Variants in TSPAN3 observed in about 807,000 individuals in gnomAD.
TSPAN3 encodes the protein tetraspanin-3.
Under a neutral mutation model 31.1 loss-of-function variants are expected in TSPAN3, and 9 were observed. That is an observed-to-expected ratio of 0.29 (90% CI 0.17 to 0.50). TSPAN3 has a LOEUF of 0.50. Ranked by LOEUF, TSPAN3 falls within the 20% of genes least tolerant of loss-of-function variation. TSPAN3 has a pLI of 0.98. For synonymous variants in TSPAN3, 129 were observed against 114.3 expected (o/e 1.13, Z -0.82); for missense variants, 252 against 313.5 (o/e 0.80, Z 1.48).
At chr15:77,053,894 C>A (rs2076750546) in intron 4 of TSPAN3, among the ~76,000 whole-genome samples, 1 of 152,092 alleles carries the variant, frequency 6.6e-6, no homozygotes, top group African/African-American at 2.4e-5. Context: ...TGACACATAC[C>A]TCTCTCTTGC....
intron 6 of TSPAN3, among the ~76,000 whole-genome samples, chr15:77,049,284 T>C (rs963839785): frequency 1.3e-5 from 2 of 152,176 alleles, no homozygotes; most frequent in African/African-American, 4.8e-5. Context: ...CGGCTTCACA[T>C]GCGGCACAGA....
At chr15:77,048,809 A>G (rs1350549766) in intron 6 of TSPAN3, among the ~76,000 whole-genome samples, 1 of 152,214 alleles carries the variant, frequency 6.6e-6, no homozygotes, top group African/African-American at 2.4e-5. Flanking sequence ...ATTGAAAAAA[A>G]TGACTAGTGG....
At chr15:77,050,571 T>C (rs1462837682) in intron 6 of TSPAN3, among the ~76,000 whole-genome samples, 2 of 152,232 alleles carry the variant, frequency 1.3e-5, no homozygotes, top group African/African-American at 2.4e-5. Flanking sequence ...GTCTTCTATA[T>C]ACATGTTGCA....
intron 1 of TSPAN3, chr15:77,063,835 C>G (rs1438884307): frequency 6.6e-6 from 1 of 152,184 alleles, no homozygotes; most frequent in Non-Finnish European, 1.5e-5. Flanking sequence ...CTGGCTGTTT[C>G]CAGACAGTAG....
chr15:77,055,632 G>GT, intron 3 of TSPAN3, 157 bp downstream of exon 3: 1 of 608,492 alleles, frequency 1.6e-6, no homozygotes, highest in South Asian at 2.3e-5. Flanking sequence ...GTCTTGACAT[G>GT]TAAATATTTG....
At chr15:77,060,449 G>A (rs2152697070) in intron 1 of TSPAN3, among the ~76,000 whole-genome samples, 1 of 152,292 alleles carries the variant, frequency 6.6e-6, no homozygotes, top group Non-Finnish European at 1.5e-5. Context: ...TTGTTGTAAT[G>A]ATATCCAACC....
intron 1 of TSPAN3, among the ~76,000 whole-genome samples, chr15:77,056,510 G>A (rs375769920): frequency 3.3e-5 from 5 of 152,022 alleles, no homozygotes; most frequent in East Asian, 3.9e-4. Context: ...TAATAACAAT[G>A]ATGATGACAC....
rs555890344 is a variant in TSPAN3, at chr15:77,048,196, C to T, written c.670-1269G>A. On this transcript the variant is annotated intron_variant, in intron 6 of 6. Coordinates refer to ENST00000267970, the MANE Select transcript of TSPAN3 (RefSeq NM_005724.6). Reference sequence around the variant, plus strand: ...TAAACAATTTAAGTCAATTCTAGACCGATGAAGTACCTAATTCCTAGAGAA... The same window carrying T: ...TAAACAATTTAAGTCAATTCTAGACTGATGAAGTACCTAATTCCTAGAGAA... Among the ~76,000 whole-genome samples, 13 of 152,212 alleles carry T rather than the reference C, an allele frequency of 8.5e-5. No individual in the cohort carries two copies. The South Asian group carries it at 1.7e-3, about 19-fold the overall frequency.
chr15:77,049,142 G>A (rs2076712355), intron 6 of TSPAN3, among the ~76,000 whole-genome samples: 1 of 152,130 alleles, frequency 6.6e-6, no homozygotes, highest in African/African-American at 2.4e-5. Flanking sequence ...GGTACAAAAG[G>A]TTGCAAACTA....
rs35737479 is a variant in TSPAN3 at position 77,066,571 on chromosome 15, C to CAAAAAAAAA, written c.63+4312_63+4320dup. Among the ~76,000 whole-genome samples, 63 of 59,378 alleles carry CAAAAAAAAA rather than the reference C, an allele frequency of 1.1e-3. 2 individuals carry two copies. Among genetic ancestry groups the CAAAAAAAAA allele is most frequent in the African/African-American group, 3.7e-3 (50 of 13,372 alleles). 39.0% of individuals were successfully genotyped at this position (59,378 alleles called of 152,430 possible). A position where few individuals can be genotyped will look rare whatever the true frequency, so the allele number is the denominator to read the frequency against. ...TGGGCGACAGAGTAAGACTTCGTCTCAAAAAAAAAAAAAAAAAAAAAAAAA... is the reference window on the plus strand; with the variant it reads ...TGGGCGACAGAGTAAGACTTCGTCTCAAAAAAAAAAAAAAAAAAAAAAAAAAAAAAAAAA... On this transcript the variant is annotated intron_variant, in intron 1 of 6. Transcript: ENST00000267970.
intron 1 of TSPAN3, among the ~76,000 whole-genome samples, chr15:77,061,253 C>T (rs1049625099): frequency 1.3e-5 from 2 of 152,146 alleles, no homozygotes; most frequent in Middle Eastern, 6.3e-3. Flanking sequence ...CTGGGCCAGG[C>T]GCAGTAGCTC....
intron 6 of TSPAN3, 112 bp from the exon 7 acceptor site, chr15:77,047,039 CA>C (rs1217922695): frequency 2.6e-6 from 2 of 757,128 alleles, no homozygotes; most frequent in Non-Finnish European, 4.3e-6. Context: ...TTCAAATCAT[CA>C]AAAAGGCAGT....
chr15:77,050,930 TA>T (rs1226725071), intron 6 of TSPAN3, among the ~76,000 whole-genome samples: 1 of 152,222 alleles, frequency 6.6e-6, no homozygotes, highest in Non-Finnish European at 1.5e-5. Flanking sequence ...TTTGCCATTT[TA>T]AAAGGCCTTT....
chr15:77,070,782 G>C, intron 1 of TSPAN3, 110 bp downstream of exon 1: 8 of 504,040 alleles, frequency 1.6e-5, no homozygotes, highest in Non-Finnish European at 2.0e-5. Flanking sequence ...GAGGGCCCGC[G>C]CGCGGCCCCC....
intron 1 of TSPAN3, among the ~76,000 whole-genome samples, chr15:77,059,748 G>C (rs1027261029): frequency 6.6e-6 from 1 of 152,050 alleles, no homozygotes; most frequent in East Asian, 1.9e-4. Context: ...ATGTAAATTC[G>C]AATGAAAATA....
In TSPAN3 at chr15:77,052,378, T is replaced by G. The variant is rs375889982; in HGVS notation, c.669+7A>C. On this transcript the variant is annotated splice_region_variant and intron_variant, in intron 6 of 6. Transcript: ENST00000267970. Reference sequence around the variant, plus strand: ...TCCGATAGAACTCCTTGGCAAGCTGTGCTTACCTGAATAGCTGCAAATGCC... The same window carrying G: ...TCCGATAGAACTCCTTGGCAAGCTGGGCTTACCTGAATAGCTGCAAATGCC... 6.2e-7 allele frequency: 1 copy of G among 1,613,948 alleles called. No individual in the cohort carries two copies. Among genetic ancestry groups the G allele is most frequent in the South Asian group, 1.1e-5 (1 of 91,076 alleles).
chr15:77,050,247 T>C (rs758075140), intron 6 of TSPAN3, among the ~76,000 whole-genome samples: 3 of 152,182 alleles, frequency 2.0e-5, no homozygotes, highest in Non-Finnish European at 4.4e-5. Flanking sequence ...TAGGGAAAAT[T>C]ATTAATTCAG....
intron 5 of TSPAN3, 129 bp from the exon 6 acceptor site, chr15:77,052,597 T>C (rs908140790): frequency 2.1e-5 from 24 of 1,119,022 alleles, no homozygotes; most frequent in African/African-American, 6.3e-5. Flanking sequence ...GATTCCATGA[T>C]TGGTATAATT....
rs899774588 is a variant in TSPAN3, at chr15:77,046,298, G to A, written c.*537C>T. 1.9e-4 allele frequency: 75 copies of A among 398,184 alleles called. No individual in the cohort carries two copies. Among genetic ancestry groups the A allele is most frequent in the African/African-American group, 1.2e-3 (57 of 48,570 alleles). The allele number at this position is 398,184 out of a possible 1,614,324, so 24.7% of individuals were successfully genotyped here. On this transcript the variant is annotated 3_prime_UTR_variant, in exon 7 of 7. Coordinates refer to ENST00000267970, the MANE Select transcript of TSPAN3 (RefSeq NM_005724.6). ...ATTTTGAAGATGAACCAAGATATACGCCATATGATCCTACAATCTATTTTA... is the reference window on the plus strand; with the variant it reads ...ATTTTGAAGATGAACCAAGATATACACCATATGATCCTACAATCTATTTTA...
Sources: gnomAD v4.1 joint callset for allele counts (sites outside exome capture counted in the v4.1 genomes callset) on GRCh38, gnomAD v4.1.1 for gene constraint, MANE v1.5 for transcripts, NCBI Gene and HGNC (gene_info 2026-07-23, HGNC 2026-07-21) for gene names.